Variants in PDE10A observed in about 807,000 individuals in gnomAD.
PDE10A encodes phosphodiesterase 10A.
PDE10A carries 39 observed loss-of-function variants against 97.7 expected under a neutral mutation model. That is an observed-to-expected ratio of 0.40 (90% CI 0.31 to 0.52). PDE10A has a LOEUF of 0.52. Among genes scored for constraint, PDE10A ranks in the 20% least tolerant of loss-of-function variants. The pLI is 0.56. For missense variants in PDE10A, 731 were observed against 1,047.8 expected, an observed-to-expected ratio of 0.70 and a Z score of 4.17; for synonymous variants, 371 against 376.8, an observed-to-expected ratio of 0.98 and a Z score of 0.18.
chr6:165,810,788 TACCCTGTGGACTCTA>T (rs1326880276), intron 1 of PDE10A, among the ~76,000 whole-genome samples: 1 of 152,156 alleles, frequency 6.6e-6, no homozygotes, highest in Non-Finnish European at 1.5e-5. Context: ...TGTTGGGCTT[TACCCTGTGGACTCTA>T]ATTACTGTGG....
intron 18 of PDE10A, among the ~76,000 whole-genome samples, chr6:165,344,692 T>C (rs973500324): frequency 2.0e-5 from 3 of 152,212 alleles, no homozygotes; most frequent in African/African-American, 7.2e-5. Flanking sequence ...CCCTGATTCT[T>C]ATGATACCAT....
At chr6:165,715,439 A>G (rs1366281245) in intron 1 of PDE10A, among the ~76,000 whole-genome samples, 1 of 152,162 alleles carries the variant, frequency 6.6e-6, no homozygotes, top group African/African-American at 2.4e-5. Context: ...TAGATTTTTT[A>G]TTTTCCCCAA....
chr6:165,627,266 C>T (rs796327049), intron 1 of PDE10A, among the ~76,000 whole-genome samples: 122 of 152,250 alleles, frequency 8.0e-4, no homozygotes, highest in African/African-American at 2.8e-3. Context: ...CCACACGTGG[C>T]CCTGTTATTT....
chr6:165,592,931 C>T (rs1024827622), intron 1 of PDE10A, among the ~76,000 whole-genome samples: 1 of 152,198 alleles, frequency 6.6e-6, no homozygotes, highest in African/African-American at 2.4e-5. Context: ...CCATTTGACC[C>T]AGCCATCCCA....
intron 1 of PDE10A, among the ~76,000 whole-genome samples, chr6:165,920,097 T>A (rs887109175): frequency 6.6e-6 from 1 of 152,358 alleles, no homozygotes; most frequent in South Asian, 2.1e-4. Flanking sequence ...GCCACACTTA[T>A]CTGGTTACAA....
At chr6:165,962,743 C>T (rs147197753) in intron 1 of PDE10A, among the ~76,000 whole-genome samples, 1 of 152,302 alleles carries the variant, frequency 6.6e-6, no homozygotes, top group East Asian at 1.9e-4. Flanking sequence ...CTCATTATGA[C>T]CTTTATAAAT....
At chr6:165,344,064 T>G (rs142191374) in intron 18 of PDE10A, among the ~76,000 whole-genome samples, 2 of 152,284 alleles carry the variant, frequency 1.3e-5, no homozygotes, top group Non-Finnish European at 2.9e-5. Flanking sequence ...ACACTGTGCT[T>G]CTCATTAGCA....
At chr6:165,419,836 T>C (rs1222321549) in intron 10 of PDE10A, among the ~76,000 whole-genome samples, 5 of 152,202 alleles carry the variant, frequency 3.3e-5, no homozygotes, top group African/African-American at 4.8e-5. Flanking sequence ...AAGAGGAACC[T>C]TGCAGCCAGG....
chr6:165,926,412 T>C (rs1352927745), intron 1 of PDE10A, among the ~76,000 whole-genome samples: 1 of 152,270 alleles, frequency 6.6e-6, no homozygotes, highest in South Asian at 2.1e-4. Context: ...GCTTTTTCCA[T>C]AGTATTTGTG....
At chr6:165,947,550 T>C (rs1562812441) in intron 1 of PDE10A, among the ~76,000 whole-genome samples, 1 of 152,214 alleles carries the variant, frequency 6.6e-6, no homozygotes, top group Non-Finnish European at 1.5e-5. Flanking sequence ...GTGCAGTTCA[T>C]ATTGGAAAGA....
chr6:165,716,315 C>T (rs1792025690), intron 1 of PDE10A, among the ~76,000 whole-genome samples: 1 of 152,242 alleles, frequency 6.6e-6, no homozygotes, highest in South Asian at 2.1e-4. Context: ...CTCGCCCATG[C>T]ATACTGCAGG....
chr6:165,763,192 A>G (rs1213807843), intron 1 of PDE10A, among the ~76,000 whole-genome samples: 1 of 152,068 alleles, frequency 6.6e-6, no homozygotes, highest in East Asian at 1.9e-4. Flanking sequence ...CCTCATTTGT[A>G]TCATGTAACT....
intron 1 of PDE10A, among the ~76,000 whole-genome samples, chr6:165,618,228 T>C (rs1450294841): frequency 6.6e-6 from 1 of 152,170 alleles, no homozygotes; most frequent in Non-Finnish European, 1.5e-5. Context: ...AACATAATTG[T>C]GTAGTAATGG....
In PDE10A at chr6:165,392,708, T is replaced by C. The variant is rs1457239699; in HGVS notation, c.2392A>G (p.Thr798Ala). ...VPYHNWKHAVTVAHCMYAILQ... is the reference protein window; with the variant it reads ...VPYHNWKHAVAVAHCMYAILQ... ...ATGGCATACATGCAGTGTGCTACAGTGACCGCATGCTTCCAGTTGTGATAA... is the reference window on the plus strand; with the variant it reads ...ATGGCATACATGCAGTGTGCTACAGCGACCGCATGCTTCCAGTTGTGATAA... Residue 798 changes from threonine to alanine, a missense_variant, in exon 16 of 22, where the codon ACT (threonine) becomes GCT (alanine). Transcript: ENST00000539869. The C allele has an allele frequency of 1.9e-6, 3 of 1,613,880 alleles. No homozygotes were observed. The highest frequency in any genetic ancestry group is 3.3e-5 in the Admixed American group (2 of 60,008).
chr6:165,409,714 T>C (rs189353664), intron 13 of PDE10A: 1 of 152,296 alleles, frequency 6.6e-6, no homozygotes, highest in Non-Finnish European at 1.5e-5. Flanking sequence ...CTGCTCCATA[T>C]ACTACTTGTC....
At chr6:165,483,903 T>C (rs1779745931) in intron 2 of PDE10A, among the ~76,000 whole-genome samples, 1 of 152,236 alleles carries the variant, frequency 6.6e-6, no homozygotes, top group Non-Finnish European at 1.5e-5. Flanking sequence ...TGAGTGTGCA[T>C]AAGATAGCCT....
In PDE10A at chr6:165,661,976, C is replaced by T. The variant is rs1790290992; in HGVS notation, c.836G>A (p.Arg279Gln). Residue 279 changes from arginine to glutamine, a missense_variant, in exon 1 of 22, where the codon CGA (arginine) becomes CAA (glutamine). Coordinates refer to ENST00000539869, the MANE Select transcript of PDE10A (RefSeq NM_001385079.1). This position sits in a 1 kb window ranked among gnomAD's most constrained non-coding sequence, Gnocchi z 4.8. ...GCTCAGGAAGCACTCGGTCAGCCTTCGGAAGCAGCTCGCATTATTAGAAGG... is the reference window on the plus strand; with the variant it reads ...GCTCAGGAAGCACTCGGTCAGCCTTTGGAAGCAGCTCGCATTATTAGAAGG... ...DGPSNNASCFRRLTECFLSPS... is the reference protein window; with the variant it reads ...DGPSNNASCFQRLTECFLSPS... The T allele has an allele frequency of 7.9e-7, 1 of 1,263,444 alleles. No homozygotes were observed. The allele number at this position is 1,263,444 out of a possible 1,614,324, so 78.3% of individuals were successfully genotyped here. A position where few individuals can be genotyped will look rare whatever the true frequency, so the allele number is the denominator to read the frequency against.
In PDE10A at chr6:165,435,320, C is replaced by A; in HGVS notation, c.1252G>T (p.Ala418Ser). The change falls in exon 6 of 22, where the codon GCT becomes TCT. Residue 418 changes from alanine (A) to serine (S), a missense_variant. Physicochemically the swap from Ala to Ser is moderately conservative, Grantham distance 99. Transcript: ENST00000539869. ...IKEGKPRLIP[A>S]GPITQGTTVS... ...GTGGTGCCCTGAGTGATGGGCCCAG[C>A]AGGGATGAGGCGGGGTTTTCCTTCC... is the stretch of plus-strand genomic sequence containing the variant. The A allele has an allele frequency of 6.2e-7, 1 of 1,613,988 alleles. No individual in the cohort carries two copies. Among genetic ancestry groups the A allele is most frequent in the Non-Finnish European group, 8.5e-7 (1 of 1,179,898 alleles).
At chr6:165,472,777 A>G (rs568143309) in intron 3 of PDE10A, among the ~76,000 whole-genome samples, 1 of 152,182 alleles carries the variant, frequency 6.6e-6, no homozygotes, top group Admixed American at 6.5e-5. Context: ...ACAATTAGTT[A>G]ACATACAGAA....
Sources: allele counts gnomAD v4.1 joint callset (sites outside exome capture counted in the v4.1 genomes callset), GRCh38; gene constraint gnomAD v4.1.1; non-coding constraint Gnocchi (gnomAD v3.1); transcripts MANE v1.5; gene names NCBI Gene and HGNC (gene_info 2026-07-23, HGNC 2026-07-21).